SOX4: variants seen among roughly 807,000 people sequenced by gnomAD.
The protein encoded by SOX4 is SRY-box transcription factor 4.
For synonymous variants in SOX4, 465 were observed against 348.4 expected (o/e 1.33, Z -3.73); for missense variants, 662 against 694.9 (o/e 0.95, Z 0.53).
chr6:21,596,030 A>T lies in SOX4; in HGVS notation c.*71A>T. 1 of 1,436,640 alleles carries T rather than the reference A, an allele frequency of 7.0e-7. No individual in the cohort carries two copies. The highest frequency in any genetic ancestry group is 3.0e-5 in the Admixed American group (1 of 33,410). 89.0% of individuals were successfully genotyped at this position (1,436,640 alleles called of 1,614,324 possible). A position where few individuals can be genotyped will look rare whatever the true frequency, so the allele number is the denominator to read the frequency against. On this transcript the variant is annotated 3_prime_UTR_variant, in exon 1 of 1. Transcript: ENST00000244745. ...AAAAAAAAAGTGAAAAAAAGAAACG[A>T]AAAGGACAGACGAAGAGTTTAAAGA...
At position 21,598,061 on chromosome 6, in the gene SOX4, C is replaced by CT. The variant is rs898053220; in HGVS notation, c.*2109dup. ...ACTTGTAAACCACATCTTTTTTGCA[C>CT]TTTTTTTATAAGCAAAAACGTGCCG... is the stretch of plus-strand genomic sequence containing the variant. On this transcript the variant is annotated 3_prime_UTR_variant, in exon 1 of 1. Coordinates refer to ENST00000244745, the MANE Select transcript of SOX4 (RefSeq NM_003107.3). 7 of 167,040 alleles carry CT rather than the reference C, an allele frequency of 4.2e-5. No individual in the cohort carries two copies. The highest frequency in any genetic ancestry group is 1.9e-4 in the East Asian group (1 of 5,208). The allele number at this position is 167,040 out of a possible 1,614,324, so 10.3% of individuals were successfully genotyped here.
chr6:21,594,747 G>A lies in SOX4; in HGVS notation c.213G>A (p.Gln71=), dbSNP rs1248585505. 2 of 1,597,034 alleles carry A rather than the reference G, an allele frequency of 1.3e-6. No individual in the cohort carries two copies. Among genetic ancestry groups the A allele is most frequent in the Admixed American group, 1.8e-5 (1 of 56,336 alleles). The change falls in exon 1 of 1, where the codon CAG becomes CAA. Residue 71 remains glutamine, a synonymous_variant. Coordinates refer to ENST00000244745, the MANE Select transcript of SOX4 (RefSeq NM_003107.3). ...RPMNAFMVWS[Q]IERRKIMEQS... ...TGAACGCCTTCATGGTGTGGTCGCA[G>A]ATCGAGCGGCGCAAGATCATGGAGC...
rs1763126048 is a variant in SOX4, at chr6:21,595,599, C to T, written c.1065C>T (p.Pro355=). 4 of 1,222,410 alleles carry T rather than the reference C, an allele frequency of 3.3e-6. No homozygotes were observed. The highest frequency in any genetic ancestry group is 6.1e-4 in the Middle Eastern group (2 of 3,286). 75.7% of individuals were successfully genotyped at this position (1,222,410 alleles called of 1,614,324 possible). A position where few individuals can be genotyped will look rare whatever the true frequency, so the allele number is the denominator to read the frequency against. Residue 355 remains proline (P), a synonymous_variant, in exon 1 of 1, where the codon CCC becomes CCT. Transcript: ENST00000244745. ...AASSPAAGRS[P]ADHRGYASLR... ...CGTCCCCCGCCGCCGGCCGCTCGCC[C>T]GCCGACCACCGCGGCTACGCCAGCC...
chr6:21,594,690 C>T lies in SOX4; in HGVS notation c.156C>T (p.Cys52=), dbSNP rs1182449578. The T allele has an allele frequency of 2.5e-6, 4 of 1,597,962 alleles. No individual in the cohort carries two copies. Among genetic ancestry groups the T allele is most frequent in the Non-Finnish European group, 3.4e-6 (4 of 1,172,684 alleles). The stretch of plus-strand genomic sequence containing the variant: ...GCAAGGCCGACGACCCGAGCTGGTG[C>T]AAGACCCCGAGTGGGCACATCAAGC... The part of the protein sequence containing the change: ...TGGKADDPSW[C]KTPSGHIKRP... The change falls in exon 1 of 1, where the codon TGC becomes TGT. Residue 52 remains cysteine (C), a synonymous_variant. Coordinates refer to ENST00000244745, the MANE Select transcript of SOX4 (RefSeq NM_003107.3).
At position 21,597,582 on chromosome 6, in the gene SOX4, T is replaced by C. The variant is rs901898181; in HGVS notation, c.*1623T>C. Reference sequence around the variant, plus strand: ...CCACGCCATTTTACGTCTCCTTCACTGAAGGGCTAGAGTTTTAACTTTTAA... The same window carrying C: ...CCACGCCATTTTACGTCTCCTTCACCGAAGGGCTAGAGTTTTAACTTTTAA... On this transcript the variant is annotated 3_prime_UTR_variant, in exon 1 of 1. Coordinates refer to ENST00000244745, the MANE Select transcript of SOX4 (RefSeq NM_003107.3). 3 of 161,284 alleles carry C rather than the reference T, an allele frequency of 1.9e-5. No individual in the cohort carries two copies. Among genetic ancestry groups the C allele is most frequent in the African/African-American group, 5.0e-5 (2 of 39,980 alleles). 10.0% of individuals were successfully genotyped at this position (161,284 alleles called of 1,614,324 possible). A position where few individuals can be genotyped will look rare whatever the true frequency, so the allele number is the denominator to read the frequency against.
At position 21,595,568 on chromosome 6, in the gene SOX4, C is replaced by T. The variant is rs891180514; in HGVS notation, c.1034C>T (p.Ala345Val). The T allele has an allele frequency of 7.5e-6, 9 of 1,197,382 alleles. No individual in the cohort carries two copies. Among genetic ancestry groups the T allele is most frequent in the Non-Finnish European group, 8.3e-6 (8 of 968,448 alleles). 74.2% of individuals were successfully genotyped at this position (1,197,382 alleles called of 1,614,324 possible). Reference sequence around the variant, plus strand: ...CCCAGCCTGAGCGGCCGCAGCAGCGCCGCCTCGTCCCCCGCCGCCGGCCGC... The same window carrying T: ...CCCAGCCTGAGCGGCCGCAGCAGCGTCGCCTCGTCCCCCGCCGCCGGCCGC... Reference protein sequence around the residue: ...DAPSLSGRSSAASSPAAGRSP... With the variant: ...DAPSLSGRSSVASSPAAGRSP... Residue 345 changes from alanine to valine, a missense_variant, in exon 1 of 1, where the codon GCC (alanine) becomes GTC (valine). By Grantham distance (64) the Ala-to-Val change is moderately conservative. Transcript: ENST00000244745.
At position 21,594,492 on chromosome 6, in the gene SOX4, C is replaced by A; in HGVS notation, c.-43C>A. The A allele has an allele frequency of 7.2e-7, 1 of 1,386,724 alleles. No homozygotes were observed. The highest frequency in any genetic ancestry group is 9.3e-7 in the Non-Finnish European group (1 of 1,079,484). 85.9% of individuals were successfully genotyped at this position (1,386,724 alleles called of 1,614,324 possible). A position where few individuals can be genotyped will look rare whatever the true frequency, so the allele number is the denominator to read the frequency against. The stretch of plus-strand genomic sequence containing the variant: ...GGCCCGGCGATCGCGCGGCGGCCGC[C>A]GCGAGGGTGTGAGCGCGCGTGGGCG... On this transcript the variant is annotated 5_prime_UTR_variant, in exon 1 of 1. Transcript: ENST00000244745.
At position 21,594,397 on chromosome 6, in the gene SOX4, G is replaced by A; in HGVS notation, c.-138G>A. 2.6e-6 allele frequency: 3 copies of A among 1,146,246 alleles called. No homozygotes were observed. Among genetic ancestry groups the A allele is most frequent in the Non-Finnish European group, 3.4e-6 (3 of 890,908 alleles). The allele number at this position is 1,146,246 out of a possible 1,614,324, so 71.0% of individuals were successfully genotyped here. On this transcript the variant is annotated 5_prime_UTR_variant, in exon 1 of 1. Coordinates refer to ENST00000244745, the MANE Select transcript of SOX4 (RefSeq NM_003107.3). ...TTACCCACCTCCGCCCCTGCGAGGA[G>A]TTGAGGGGCCAGTTCGGCCGCCGCG...
In SOX4 at chr6:21,595,013, G is replaced by T; in HGVS notation, c.479G>T (p.Gly160Val). The change falls in exon 1 of 1, where the codon GGC (glycine) becomes GTC (valine). Residue 160 changes from glycine (G) to valine (V), a missense_variant. Gly to Val is a moderately radical substitution (Grantham distance 109). Coordinates refer to ENST00000244745, the MANE Select transcript of SOX4 (RefSeq NM_003107.3). ...GGGGAGAAGGGAGACAAGGTCGGTG[G>T]CAGTGGCGGGGGCGGCCATGGGGGC... ...KPGEKGDKVG[G>V]SGGGGHGGGG... 1.3e-6 allele frequency: 2 copies of T among 1,515,602 alleles called. No homozygotes were observed. The highest frequency in any genetic ancestry group is 1.8e-6 in the Non-Finnish European group (2 of 1,134,308). The allele number at this position is 1,515,602 out of a possible 1,614,324, so 93.9% of individuals were successfully genotyped here.
chr6:21,594,346 C>T lies in SOX4; in HGVS notation c.-189C>T, dbSNP rs1012961147. ...TGCGAGAGGCGGAGAACTCCTTCCC[C>T]AAATCTTTTGGGGACTTTTCTCTCT... On this transcript the variant is annotated 5_prime_UTR_variant, in exon 1 of 1. Coordinates refer to ENST00000244745, the MANE Select transcript of SOX4 (RefSeq NM_003107.3). The T allele has an allele frequency of 2.3e-5, 14 of 612,660 alleles. No homozygotes were observed. The highest frequency in any genetic ancestry group is 7.2e-6 in the Non-Finnish European group (3 of 414,550). 38.0% of individuals were successfully genotyped at this position (612,660 alleles called of 1,614,324 possible). A position where few individuals can be genotyped will look rare whatever the true frequency, so the allele number is the denominator to read the frequency against.
chr6:21,595,286 G>A lies in SOX4; in HGVS notation c.752G>A (p.Gly251Asp), dbSNP rs1582602306. The A allele has an allele frequency of 7.1e-7, 1 of 1,411,420 alleles. No individual in the cohort carries two copies. Among genetic ancestry groups the A allele is most frequent in the Non-Finnish European group, 9.2e-7 (1 of 1,082,214 alleles). The allele number at this position is 1,411,420 out of a possible 1,614,324, so 87.4% of individuals were successfully genotyped here. Residue 251 changes from glycine (G) to aspartate (D), a missense_variant, in exon 1 of 1, where the codon GGC becomes GAC. Coordinates refer to ENST00000244745, the MANE Select transcript of SOX4 (RefSeq NM_003107.3). ...QAGAAALLPL[G>D]AAADHHSLYK... ...GGGGCCGCCGCCCTGCTGCCCCTGG[G>A]CGCCGCCGCCGACCACCACTCGCTG...
In SOX4 at chr6:21,595,355, C is replaced by T. The variant is rs1197110297; in HGVS notation, c.821C>T (p.Ala274Val). Residue 274 changes from alanine to valine, a missense_variant, in exon 1 of 1, where the codon GCA (alanine) becomes GTA (valine). Coordinates refer to ENST00000244745, the MANE Select transcript of SOX4 (RefSeq NM_003107.3). ...TPSASASASS[A>V]ASASAALAAP... ...AGCGCCTCGGCCTCCGCCTCCTCGG[C>T]AGCCTCGGCCTCCGCAGCGCTCGCG... 3 of 1,524,888 alleles carry T rather than the reference C, an allele frequency of 2.0e-6. No individual in the cohort carries two copies. The highest frequency in any genetic ancestry group is 2.9e-5 in the African/African-American group (2 of 69,868). The allele number at this position is 1,524,888 out of a possible 1,614,324, so 94.5% of individuals were successfully genotyped here.
rs1763102722 is a variant in SOX4 at position 21,594,948 on chromosome 6, C to T, written c.414C>T (p.Asn138=). The change falls in exon 1 of 1, where the codon AAC becomes AAT. Residue 138 remains asparagine, a synonymous_variant. Transcript: ENST00000244745. ...CCAGGAAGAAGGTGAAGTCCGGCAA[C>T]GCCAACTCCAGCTCCTCGGCCGCCG... ...YRPRKKVKSG[N]ANSSSSAAAS... 1 of 1,609,752 alleles carries T rather than the reference C, an allele frequency of 6.2e-7. No homozygotes were observed. The highest frequency in any genetic ancestry group is 1.1e-5 in the South Asian group (1 of 90,430).
At position 21,593,952 on chromosome 6, in the gene SOX4, G is replaced by C. The variant is rs762926595; in HGVS notation, c.-583G>C. The C allele has an allele frequency of 5.3e-5, 8 of 151,942 alleles. No homozygotes were observed. Among genetic ancestry groups the C allele is most frequent in the African/African-American group, 1.9e-4 (8 of 41,348 alleles). The allele number at this position is 151,942 out of a possible 1,614,324, so 9.4% of individuals were successfully genotyped here. On this transcript the variant is annotated 5_prime_UTR_variant, in exon 1 of 1. Transcript: ENST00000244745. Reference sequence around the variant, plus strand: ...TGCAGGCTTTTTGGCTTCCTACCTTGCAACAAAATAATTGCACCAACTCCT... The same window carrying C: ...TGCAGGCTTTTTGGCTTCCTACCTTCCAACAAAATAATTGCACCAACTCCT...
In SOX4 at chr6:21,596,445, T is replaced by G. The variant is rs941103547; in HGVS notation, c.*486T>G. ...CACCTTGGTTTTGTTTTATTTTGCT[T>G]CTTGGTCAAGAAAGGAGGGGAGAAC... On this transcript the variant is annotated 3_prime_UTR_variant, in exon 1 of 1. Coordinates refer to ENST00000244745, the MANE Select transcript of SOX4 (RefSeq NM_003107.3). 2 of 167,208 alleles carry G rather than the reference T, an allele frequency of 1.2e-5. No homozygotes were observed. Among genetic ancestry groups the G allele is most frequent in the African/African-American group, 4.8e-5 (2 of 41,424 alleles). 10.4% of individuals were successfully genotyped at this position (167,208 alleles called of 1,614,324 possible).
At position 21,595,424 on chromosome 6, in the gene SOX4, A is replaced by T; in HGVS notation, c.890A>T (p.Tyr297Phe). Reference protein sequence around the residue: ...HLAEKKVKRVYLFGGLGTSSS... With the variant: ...HLAEKKVKRVFLFGGLGTSSS... Reference sequence around the variant, plus strand: ...GCGGAGAAGAAGGTGAAGCGCGTCTACCTGTTCGGCGGCCTGGGCACGTCG... The same window carrying T: ...GCGGAGAAGAAGGTGAAGCGCGTCTTCCTGTTCGGCGGCCTGGGCACGTCG... The change falls in exon 1 of 1, where the codon TAC becomes TTC. Residue 297 changes from tyrosine (Y) to phenylalanine (F), a missense_variant. By Grantham distance (22) the Tyr-to-Phe change is conservative. Transcript: ENST00000244745. 1 of 1,524,562 alleles carries T rather than the reference A, an allele frequency of 6.6e-7. No individual in the cohort carries two copies. Among genetic ancestry groups the T allele is most frequent in the African/African-American group, 1.4e-5 (1 of 69,644 alleles). 94.4% of individuals were successfully genotyped at this position (1,524,562 alleles called of 1,614,324 possible).
rs1763080332 is a variant in SOX4, at chr6:21,594,024, T to G, written c.-511T>G. On this transcript the variant is annotated 5_prime_UTR_variant, in exon 1 of 1. Coordinates refer to ENST00000244745, the MANE Select transcript of SOX4 (RefSeq NM_003107.3). Reference sequence around the variant, plus strand: ...AGAGTCCTGGAGCCACAGTCTTTTTTGCTTTGCATTGTAGGAGAGGGACTA... The same window carrying G: ...AGAGTCCTGGAGCCACAGTCTTTTTGGCTTTGCATTGTAGGAGAGGGACTA... 1 of 152,180 alleles carries G rather than the reference T, an allele frequency of 6.6e-6. No individual in the cohort carries two copies. Among genetic ancestry groups the G allele is most frequent in the Non-Finnish European group, 1.5e-5 (1 of 68,202 alleles). The allele number at this position is 152,180 out of a possible 1,614,324, so 9.4% of individuals were successfully genotyped here.
rs138718279 is a variant in SOX4 at position 21,595,794 on chromosome 6, C to T, written c.1260C>T (p.Gly420=). Residue 420 remains glycine (G), a synonymous_variant, in exon 1 of 1, where the codon GGC becomes GGT. Transcript: ENST00000244745. ...CAAACTTTGAGAGCATGTCCCTGGGCAGCTTCAGTTCGTCGTCGGCGCTCG... is the reference window on the plus strand; with the variant it reads ...CAAACTTTGAGAGCATGTCCCTGGGTAGCTTCAGTTCGTCGTCGGCGCTCG... The part of the protein sequence containing the change: ...PSSNFESMSL[G]SFSSSSALDR... 1.2e-5 allele frequency: 20 copies of T among 1,613,488 alleles called. No individual in the cohort carries two copies. The highest frequency in any genetic ancestry group is 1.5e-5 in the Non-Finnish European group (18 of 1,180,014).
Position 21,595,338 on chromosome 6 carries a change from G to T in SOX4, c.804G>T (p.Ser268=). ...ACAAGGCGCGGACTCCCAGCGCCTC[G>T]GCCTCCGCCTCCTCGGCAGCCTCGG... ...SLYKARTPSA[S]ASASSAASAS... is the part of the protein sequence containing the mutation. The change falls in exon 1 of 1, where the codon TCG becomes TCT. Residue 268 remains serine, a synonymous_variant. Transcript: ENST00000244745. 1 of 1,502,168 alleles carries T rather than the reference G, an allele frequency of 6.7e-7. No individual in the cohort carries two copies. Among genetic ancestry groups the T allele is most frequent in the South Asian group, 1.2e-5 (1 of 81,148 alleles). The allele number at this position is 1,502,168 out of a possible 1,614,324, so 93.1% of individuals were successfully genotyped here.
Sources: allele counts gnomAD v4.1 joint callset, GRCh38; gene constraint gnomAD v4.1.1; transcripts MANE v1.5; gene names NCBI Gene and HGNC (gene_info 2026-07-23, HGNC 2026-07-21).